Variants in ARAP2 observed in about 807,000 individuals in gnomAD.
ARAP2 encodes the protein arf-GAP with Rho-GAP domain, ANK repeat and PH domain-containing protein 2.
Under a neutral mutation model 194.5 loss-of-function variants are expected in ARAP2, and 148 were observed. That is an observed-to-expected ratio of 0.76 (90% CI 0.67 to 0.87). The LOEUF is 0.87. Among genes scored for constraint, ARAP2 ranks in the 40% least tolerant of loss-of-function variants. The pLI, the probability that ARAP2 is intolerant of heterozygous loss-of-function variation, is 0.00. For missense variants in ARAP2, 2,128 were observed against 1,989.7 expected, an observed-to-expected ratio of 1.07 and a Z score of -1.32; for synonymous variants, 695 against 683.5, an observed-to-expected ratio of 1.02 and a Z score of -0.26.
intron 31 of ARAP2, 161 bp from the exon 32 acceptor site, chr4:36,073,984 C>T (rs1727654620): frequency 1.1e-6 from 1 of 918,194 alleles, no homozygotes; most frequent in Non-Finnish European, 1.6e-6. Context: ...GGCAGCATCG[C>T]TCCAGGACAT....
chr4:36,149,611 C>A (rs1730467454), intron 16 of ARAP2, among the ~76,000 whole-genome samples: 1 of 152,110 alleles, frequency 6.6e-6, no homozygotes, highest in African/African-American at 2.4e-5. Flanking sequence ...TATTAATATG[C>A]TGATATAAAC....
At chr4:36,016,497 G>C (rs973672015) in intron 6 of ARAP2, among the ~76,000 whole-genome samples, 9 of 138,742 alleles carry the variant, frequency 6.5e-5, no homozygotes, top group South Asian at 2.4e-4. Flanking sequence ...GCTCTTGCGT[G>C]CTTGAAATCT....
chr4:36,009,010 C>T (rs1201665897), intron 9 of ARAP2, among the ~76,000 whole-genome samples: 1 of 152,066 alleles, frequency 6.6e-6, no homozygotes, highest in Non-Finnish European at 1.5e-5. Context: ...CCATCTCAAA[C>T]CAACAAGAAT....
At chr4:36,149,897 A>G (rs1730551937) in intron 16 of ARAP2, among the ~76,000 whole-genome samples, 1 of 152,156 alleles carries the variant, frequency 6.6e-6, no homozygotes, top group Non-Finnish European at 1.5e-5. Flanking sequence ...TTCCTTTCTC[A>G]TATAAAAATC....
intron 2 of ARAP2, among the ~76,000 whole-genome samples, chr4:36,221,522 TA>T (rs1003782064): frequency 1.1e-4 from 16 of 148,084 alleles, no homozygotes; most frequent in Admixed American, 2.0e-4. Context: ...TAACTTACAT[TA>T]AAAAAAAAAG....
At chr4:36,102,828 T>C (rs969972569) in intron 27 of ARAP2, among the ~76,000 whole-genome samples, 9 of 151,940 alleles carry the variant, frequency 5.9e-5, no homozygotes, top group East Asian at 1.9e-4. Flanking sequence ...AGAGAGTTAA[T>C]ACAAATTTAC....
intron 2 of ARAP2, among the ~76,000 whole-genome samples, chr4:36,224,075 A>T (rs942719041): frequency 1.3e-5 from 2 of 151,856 alleles, no homozygotes; most frequent in Non-Finnish European, 2.9e-5. Context: ...TTTAATCACT[A>T]AAGTTGCCCA....
intron 15 of ARAP2, among the ~76,000 whole-genome samples, chr4:36,155,910 G>C (rs370507597): frequency 6.6e-6 from 1 of 151,978 alleles, no homozygotes. Context: ...TAGAAGACAC[G>C]GTCTTCCTAT....
intron 19 of ARAP2, 58 bp from the exon 20 acceptor site, chr4:36,133,447 C>A: frequency 1.4e-6 from 2 of 1,468,514 alleles, no homozygotes; most frequent in South Asian, 1.3e-5. Context: ...AAAAATCTTA[C>A]TCCAAGACAG....
intron 28 of ARAP2, 51 bp downstream of exon 28, chr4:36,091,829 CA>C: frequency 6.6e-7 from 1 of 1,515,534 alleles, no homozygotes; most frequent in Non-Finnish European, 8.9e-7. Flanking sequence ...GCATAAAATA[CA>C]AATGTTAATA....
At chr4:36,234,641 G>T (rs1186787693) in intron 1 of ARAP2, among the ~76,000 whole-genome samples, 1 of 152,066 alleles carries the variant, frequency 6.6e-6, no homozygotes, top group Non-Finnish European at 1.5e-5. Context: ...ACTTTTCTGT[G>T]CTTTAGTTTC....
intron 1 of ARAP2, among the ~76,000 whole-genome samples, 156 bp from the exon 2 acceptor site, chr4:36,229,801 T>G (rs1751076478): frequency 6.6e-6 from 1 of 152,194 alleles, no homozygotes; most frequent in Admixed American, 6.5e-5. Flanking sequence ...AGAAAACCAG[T>G]TTCTCAGTAT....
chr4:36,242,840 T>C (rs1185393987), intron 1 of ARAP2, among the ~76,000 whole-genome samples: 1 of 152,194 alleles, frequency 6.6e-6, no homozygotes, highest in Non-Finnish European at 1.5e-5. Flanking sequence ...ACTTACCCTC[T>C]AGGTACATTT....
chr4:36,210,970 ATAATT>A (rs796506304), intron 5 of ARAP2, among the ~76,000 whole-genome samples: 72 of 152,270 alleles, frequency 4.7e-4, no homozygotes, highest in African/African-American at 1.6e-3. Flanking sequence ...TTTCTTAGGT[ATAATT>A]TAATCTTATC....
At chr4:36,160,100 T>C in intron 13 of ARAP2, 2 of 994,186 alleles carry the variant, frequency 2.0e-6, no homozygotes, top group Non-Finnish European at 2.4e-6. Context: ...TAGAATCCTT[T>C]TTTTTTCTTT....
At chr4:36,213,748 A>C (rs1024896349) in intron 3 of ARAP2, among the ~76,000 whole-genome samples, 8 of 152,134 alleles carry the variant, frequency 5.3e-5, no homozygotes, top group African/African-American at 2.4e-5. Context: ...AAAGGTCACT[A>C]ACATAATAGC....
intron 9 of ARAP2, chr4:36,007,083 C>T (rs1270477063): frequency 6.6e-6 from 1 of 152,008 alleles, no homozygotes; most frequent in African/African-American, 2.4e-5. Flanking sequence ...TTACATAAAA[C>T]TAAAATTAGC....
intron 1 of ARAP2, among the ~76,000 whole-genome samples, chr4:36,236,154 G>A (rs1296240788): frequency 6.7e-6 from 1 of 149,264 alleles, no homozygotes; most frequent in Non-Finnish European, 1.5e-5. Flanking sequence ...ACTCCAGTCT[G>A]GGCAACAGAG....
Position 36,147,719 on chromosome 4 carries a change from A to C in ARAP2, c.3028T>G (p.Leu1010Val), listed in dbSNP as rs1036111944. ...KHFVPLFAEN[L>V]TEADYDLIGQ... ...ATCAAATCATAGTCAGCTTCTGTTA[A>C]GTTTTCAGCAAATAAGGGAACAAAA... The change falls in exon 18 of 33, where the codon TTA (leucine) becomes GTA (valine). Residue 1010 changes from leucine to valine, a missense_variant. Transcript: ENST00000303965. 1 of 1,610,546 alleles carries C rather than the reference A, an allele frequency of 6.2e-7. No individual in the cohort carries two copies. The highest frequency in any genetic ancestry group is 2.2e-5 in the East Asian group (1 of 44,808).
Sources: allele counts gnomAD v4.1 joint callset (sites outside exome capture counted in the v4.1 genomes callset), GRCh38; gene constraint gnomAD v4.1.1; transcripts MANE v1.5; gene names NCBI Gene and HGNC (gene_info 2026-07-23, HGNC 2026-07-21).